The following STPG2 variants were observed in gnomAD, a reference collection of about 807,000 sequenced individuals.
The protein encoded by STPG2 is sperm-tail PG-rich repeat-containing protein 2.
A neutral mutation model predicts 54.2 loss-of-function variants in STPG2; 56 were observed. The ratio of observed to expected loss-of-function variants is 1.03; its 90% CI spans 0.83 to 1.29. The LOEUF is 1.29. STPG2 is among the 50% of genes most tolerant of loss of function. The pLI is 0.00. For synonymous variants in STPG2, 200 were observed against 181.8 expected (o/e 1.10, Z -0.81); for missense variants, 596 against 544.9 (o/e 1.09, Z -0.93).
chr4:97,590,314 T>C (rs75800166), intron 10 of STPG2, among the ~76,000 whole-genome samples: 2,476 of 151,806 alleles, frequency 0.016, 61 homozygotes, highest in African/African-American at 0.057. Context: ...AATAAAGACT[T>C]ACGAACAGAA....
At chr4:98,021,385 A>T (rs1201805352) in intron 5 of STPG2, among the ~76,000 whole-genome samples, 1 of 144,596 alleles carries the variant, frequency 6.9e-6, no homozygotes, top group Non-Finnish European at 1.5e-5. Context: ...TCTGAGAGAC[A>T]GTTCGTTATA....
intron 9 of STPG2, among the ~76,000 whole-genome samples, chr4:97,767,273 T>C (rs984952425): frequency 3.9e-5 from 6 of 152,184 alleles, no homozygotes; most frequent in Non-Finnish European, 8.8e-5. Context: ...TCCTTCATTT[T>C]ATATTTATAA....
chr4:97,725,096 G>T (rs186290218), intron 9 of STPG2, among the ~76,000 whole-genome samples: 1 of 152,020 alleles, frequency 6.6e-6, no homozygotes, highest in African/African-American at 2.4e-5. Context: ...TTGCTATTAC[G>T]AGAAAAGAGC....
chr4:97,526,884 T>A (rs1731292275), intron 4 of STPG2, among the ~76,000 whole-genome samples: 1 of 152,116 alleles, frequency 6.6e-6, no homozygotes, highest in Non-Finnish European at 1.5e-5. Context: ...AGTTTCAGTT[T>A]TCTGCATATG....
At chr4:98,088,694 T>C (rs112338669) in intron 5 of STPG2, among the ~76,000 whole-genome samples, 1,686 of 137,524 alleles carry the variant, frequency 0.012, 28 homozygotes, top group African/African-American at 0.043. Flanking sequence ...AAAAAAAAAC[T>C]CTAGCCATTC....
intron 5 of STPG2, among the ~76,000 whole-genome samples, chr4:98,061,555 T>C (rs911754423): frequency 1.3e-5 from 2 of 152,074 alleles, no homozygotes; most frequent in African/African-American, 4.8e-5. Flanking sequence ...AGCATTATAT[T>C]TGGGTGGGTA....
At chr4:98,094,297 A>G (rs888140453) in intron 5 of STPG2, among the ~76,000 whole-genome samples, 4 of 152,204 alleles carry the variant, frequency 2.6e-5, no homozygotes, top group African/African-American at 9.6e-5. Context: ...GCCTTGAAGC[A>G]AAGGCATGAT....
At chr4:97,826,869 A>C (rs1233933177) in intron 9 of STPG2, among the ~76,000 whole-genome samples, 2 of 152,226 alleles carry the variant, frequency 1.3e-5, no homozygotes, top group Non-Finnish European at 2.9e-5. Flanking sequence ...CCACAGATGT[A>C]ACCAAATTTC....
intron 7 of STPG2, among the ~76,000 whole-genome samples, chr4:97,967,004 T>A (rs1160590739): frequency 1.3e-5 from 2 of 152,024 alleles, no homozygotes; most frequent in Non-Finnish European, 2.9e-5. Flanking sequence ...AATTCACACA[T>A]AACCATAGTA....
chr4:97,904,455 C>A (rs1457612594), intron 8 of STPG2, among the ~76,000 whole-genome samples: 4 of 152,192 alleles, frequency 2.6e-5, no homozygotes, highest in Non-Finnish European at 5.9e-5. Context: ...CCCATCTGTA[C>A]ATCACCATCA....
chr4:97,467,388 T>C (rs367793877), intron 4 of STPG2, among the ~76,000 whole-genome samples: 106 of 151,792 alleles, frequency 7.0e-4, no homozygotes, highest in African/African-American at 2.4e-3. Flanking sequence ...CCTTTATTCA[T>C]ATAGAAAAAA....
At chr4:97,526,545 G>A (rs528902994) in intron 4 of STPG2, among the ~76,000 whole-genome samples, 111 of 151,978 alleles carry the variant, frequency 7.3e-4, no homozygotes, top group African/African-American at 2.5e-3. Context: ...TTGTAAATTT[G>A]TTTAAGTTCC....
At chr4:97,679,207 T>C (rs1337590834) in intron 10 of STPG2, among the ~76,000 whole-genome samples, 2 of 152,222 alleles carry the variant, frequency 1.3e-5, no homozygotes, top group Admixed American at 1.3e-4. Context: ...CCACACTAAC[T>C]TCCACAATGG....
chr4:97,955,989 CA>C (rs1416412550), intron 7 of STPG2, among the ~76,000 whole-genome samples: 1 of 151,838 alleles, frequency 6.6e-6, no homozygotes, highest in Non-Finnish European at 1.5e-5. Flanking sequence ...GTTTTTCAGA[CA>C]GAAGAAAAAC....
At chr4:97,604,983 T>TA (rs1437559730) in intron 10 of STPG2, among the ~76,000 whole-genome samples, 1 of 151,752 alleles carries the variant, frequency 6.6e-6, no homozygotes, top group African/African-American at 2.4e-5. Context: ...TTATACTCTC[T>TA]AAAAAATAAA....
chr4:97,564,197 T>G (rs554883608), intron 10 of STPG2, among the ~76,000 whole-genome samples: 216 of 152,308 alleles, frequency 1.4e-3, no homozygotes, highest in African/African-American at 5.1e-3. Flanking sequence ...ATGGCCTTCT[T>G]TGTCTCTTTT....
chr4:97,905,867 G>A (rs1243894046), intron 8 of STPG2, among the ~76,000 whole-genome samples: 10 of 152,062 alleles, frequency 6.6e-5, no homozygotes, highest in Non-Finnish European at 1.5e-4. Context: ...ATTCAAAGCA[G>A]TGTGTAGAGG....
At chr4:97,537,599 G>A (rs558177737) in intron 4 of STPG2, among the ~76,000 whole-genome samples, 4 of 152,284 alleles carry the variant, frequency 2.6e-5, no homozygotes, top group South Asian at 4.1e-4. Flanking sequence ...GCCTGCTTCT[G>A]TAGACTCCAC....
intron 4 of STPG2, among the ~76,000 whole-genome samples, chr4:97,497,367 C>T (rs920370771): frequency 6.6e-6 from 1 of 151,710 alleles, no homozygotes; most frequent in African/African-American, 2.4e-5. Context: ...GTTACATAAA[C>T]AAAATATGTG....
Sources: gnomAD v4.1 joint callset for allele counts (sites outside exome capture counted in the v4.1 genomes callset) on GRCh38, gnomAD v4.1.1 for gene constraint, MANE v1.5 for transcripts, NCBI Gene and HGNC (gene_info 2026-07-23, HGNC 2026-07-21) for gene names.